The following TRAK1 variants were observed in gnomAD, a reference collection of about 807,000 sequenced individuals.
TRAK1 encodes the protein trafficking kinesin-binding protein 1.
TRAK1 carries 33 observed loss-of-function variants against 92.1 expected under a neutral mutation model. That is an observed-to-expected ratio of 0.36 (90% CI 0.27 to 0.48). TRAK1 has a LOEUF of 0.48. Among genes scored for constraint, TRAK1 ranks in the 20% least tolerant of loss-of-function variants. The pLI is 0.99. For synonymous variants in TRAK1, 521 were observed against 517.3 expected (o/e 1.01, Z -0.10); for missense variants, 1,123 against 1,257.9 (o/e 0.89, Z 1.62).
Position 42,223,845 on chromosome 3 carries a change from TC to T in TRAK1, c.*110del. 2 of 1,257,350 alleles carry T rather than the reference TC, an allele frequency of 1.6e-6. No individual in the cohort carries two copies. Among genetic ancestry groups the T allele is most frequent in the Non-Finnish European group, 2.2e-6 (2 of 903,718 alleles). 77.9% of individuals were successfully genotyped at this position (1,257,350 alleles called of 1,614,324 possible). On this transcript the variant is annotated 3_prime_UTR_variant, in exon 16 of 16. Coordinates refer to ENST00000327628, the MANE Select transcript of TRAK1 (RefSeq NM_001042646.3). The surrounding 1 kb of genome is among the most constrained non-coding windows in gnomAD (Gnocchi z 6.1). ...CACTCCCTCCCTCTGCCCTTCTCTG[TC>T]CACCCCCTCCTAAGCTAGACAAATC... is the stretch of plus-strand genomic sequence containing the variant.
intron 1 of TRAK1, among the ~76,000 whole-genome samples, chr3:42,020,562 T>C (rs1199031866): frequency 6.6e-6 from 1 of 152,208 alleles, no homozygotes; most frequent in African/African-American, 2.4e-5. Context: ...GGATGGACAT[T>C]TGTTTTTTTT....
chr3:42,054,998 C>T (rs1181099919), intron 1 of TRAK1, among the ~76,000 whole-genome samples: 1 of 135,200 alleles, frequency 7.4e-6, no homozygotes, highest in Non-Finnish European at 1.5e-5. Flanking sequence ...TGGCTTACTG[C>T]AATCTCTGCC....
At chr3:42,140,327 C>T (rs1698487987) in intron 2 of TRAK1, among the ~76,000 whole-genome samples, 1 of 152,072 alleles carries the variant, frequency 6.6e-6, no homozygotes, top group Non-Finnish European at 1.5e-5. Context: ...GCAGCGGCAA[C>T]ATTTTAAAAA....
chr3:42,218,606 T>G, intron 14 of TRAK1: 1 of 985,438 alleles, frequency 1.0e-6, no homozygotes, highest in Non-Finnish European at 1.2e-6. Flanking sequence ...ACTCTGTTCC[T>G]TGTTCCTTTG....
upstream of TRAK1, among the ~76,000 whole-genome samples, chr3:42,087,799 G>A (rs1704755441): frequency 6.6e-6 from 1 of 152,214 alleles, no homozygotes; most frequent in Non-Finnish European, 1.5e-5. Flanking sequence ...AACATGCACT[G>A]TCATTGTGGG....
At chr3:42,210,269 T>C (rs766684558) in intron 14 of TRAK1, 1 of 1,521,886 alleles carries the variant, frequency 6.6e-7, no homozygotes, top group Non-Finnish European at 8.8e-7. Flanking sequence ...GATTAAAGCA[T>C]TCTCATTGCA....
intron 1 of TRAK1, among the ~76,000 whole-genome samples, chr3:42,068,401 A>G (rs1703771952): frequency 6.6e-6 from 1 of 152,114 alleles, no homozygotes; most frequent in African/African-American, 2.4e-5. Flanking sequence ...TTTGGCCTTA[A>G]ATGATCCTTC....
Position 42,193,876 on chromosome 3 carries a change from C to G in TRAK1, c.953C>G (p.Ala318Gly). 1 of 1,614,148 alleles carries G rather than the reference C, an allele frequency of 6.2e-7. No individual in the cohort carries two copies. Among genetic ancestry groups the G allele is most frequent in the Admixed American group, 1.7e-5 (1 of 60,024 alleles). The part of the protein sequence containing the change: ...LVQHLGAAKD[A>G]QRQLTAELRE... ...CAGCATCTGGGGGCTGCTAAGGATG[C>G]CCAGCGGCAGCTCACAGCCGAGGTG... Residue 318 changes from alanine (A) to glycine (G), a missense_variant, in exon 9 of 16, where the codon GCC becomes GGC. Around this residue, in one of 3 missense-constraint regions of TRAK1, gnomAD observed 686 missense variants for 747.6 expected, o/e 0.92. Transcript: ENST00000327628.
intron 2 of TRAK1, among the ~76,000 whole-genome samples, chr3:42,164,867 C>G (rs1319755376): frequency 6.6e-6 from 1 of 152,198 alleles, no homozygotes; most frequent in Non-Finnish European, 1.5e-5. Flanking sequence ...TGGGTCCCGC[C>G]CTGTCTCAGT....
At chr3:42,125,840 G>A (rs1345295314) in intron 2 of TRAK1, among the ~76,000 whole-genome samples, 1 of 152,066 alleles carries the variant, frequency 6.6e-6, no homozygotes, top group Non-Finnish European at 1.5e-5. Flanking sequence ...ATTTTCATTT[G>A]AACCAACTTT....
At chr3:42,015,382 C>T (rs369573966) in intron 1 of TRAK1, among the ~76,000 whole-genome samples, 11 of 152,154 alleles carry the variant, frequency 7.2e-5, no homozygotes, top group East Asian at 1.9e-4. Context: ...CTGTTTGATG[C>T]CCCAGGGACC....
At chr3:42,203,012 T>C in intron 13 of TRAK1, 1 of 1,267,914 alleles carries the variant, frequency 7.9e-7, no homozygotes, top group Non-Finnish European at 9.9e-7. Flanking sequence ...CACTGTGGTC[T>C]TCTAGTTCTT....
At chr3:42,029,036 T>C (rs888663051) in intron 1 of TRAK1, among the ~76,000 whole-genome samples, 8 of 152,016 alleles carry the variant, frequency 5.3e-5, no homozygotes, top group Admixed American at 1.3e-4. Flanking sequence ...AAACTTACAA[T>C]CATGGTGGAA....
intron 14 of TRAK1, 137 bp from the exon 15 acceptor site, chr3:42,219,357 G>A (rs534390006): frequency 1.6e-5 from 25 of 1,552,162 alleles, no homozygotes; most frequent in African/African-American, 9.5e-5. Context: ...GAACATTTGC[G>A]TTTCACCTTC....
intron 14 of TRAK1, chr3:42,219,182 C>T: frequency 1.0e-6 from 1 of 985,314 alleles, no homozygotes; most frequent in Non-Finnish European, 1.2e-6. Flanking sequence ...CCCACAAAGG[C>T]CCATTACCCC....
intron 2 of TRAK1, among the ~76,000 whole-genome samples, chr3:42,160,796 G>A (rs1320353171): frequency 1.3e-5 from 2 of 152,040 alleles, no homozygotes; most frequent in Non-Finnish European, 2.9e-5. Context: ...ATCAAACAGG[G>A]TGTATTCCTT....
At chr3:42,048,264 CTT>C (rs1333457074) in intron 1 of TRAK1, among the ~76,000 whole-genome samples, 6 of 151,954 alleles carry the variant, frequency 3.9e-5, no homozygotes, top group African/African-American at 1.2e-4. Flanking sequence ...TCTGAAATAA[CTT>C]TACTTTTGTG....
intron 1 of TRAK1, among the ~76,000 whole-genome samples, chr3:42,121,259 CTTTT>C (rs397959962): frequency 2.3e-5 from 3 of 131,780 alleles, no homozygotes. Context: ...CTGGGGAATT[CTTTT>C]TTTTTTTTTT....
At chr3:42,160,422 G>A in intron 2 of TRAK1, 1 of 1,614,268 alleles carries the variant, frequency 6.2e-7, no homozygotes, top group Non-Finnish European at 8.5e-7. Flanking sequence ...CCAGGATGAA[G>A]AGAGGAAGCC....
Sources: allele counts gnomAD v4.1 joint callset (sites outside exome capture counted in the v4.1 genomes callset), GRCh38; gene constraint gnomAD v4.1.1; regional missense constraint gnomAD v4.1.1; non-coding constraint Gnocchi (gnomAD v3.1); transcripts MANE v1.5; gene names NCBI Gene and HGNC (gene_info 2026-07-23, HGNC 2026-07-21).